Variants in NBPF9 observed in about 807,000 individuals in gnomAD.
NBPF9 encodes NBPF family member NBPF9.
A neutral mutation model predicts 97.8 loss-of-function variants in NBPF9; 91 were observed. The observed-to-expected ratio is 0.93, with a 90% confidence interval of 0.79 to 1.11. The LOEUF is 1.11. NBPF9 is among the 50% of genes least tolerant of loss of function. The probability of loss-of-function intolerance (pLI) is 0.00; values close to 1 mark genes in which losing one functional copy is unlikely to be tolerated. For synonymous variants in NBPF9, 334 were observed against 359.5 expected (o/e 0.93, Z 0.80); for missense variants, 992 against 939.5 (o/e 1.06, Z -0.73).
Position 149,101,382 on chromosome 1 carries a change from T to C in NBPF9, c.-723-3A>G, listed in dbSNP as rs2082134061. The C allele has an allele frequency of 7.0e-6, 1 of 142,922 alleles. No homozygotes were observed. The highest frequency in any genetic ancestry group is 2.6e-5 in the African/African-American group (1 of 38,172). 8.9% of individuals were successfully genotyped at this position (142,922 alleles called of 1,614,324 possible). A position where few individuals can be genotyped will look rare whatever the true frequency, so the allele number is the denominator to read the frequency against. On this transcript the variant is annotated splice_polypyrimidine_tract_variant and splice_region_variant and intron_variant, in intron 2 of 29. Transcript: ENST00000584027. ...CAGCCTGGGCAACAGAGTGAGATCT[T>C]GTCTCAAAAAGAAAAAAAAAAGTTA...
chr1:149,078,725 C>T (rs3961878), intron 9 of NBPF9, among the ~76,000 whole-genome samples: 2 of 137,998 alleles, frequency 1.4e-5, no homozygotes, highest in Admixed American at 7.3e-5. Context: ...CAAGCGCCCT[C>T]CCATCACAGC....
At chr1:149,056,089 G>C (rs1400363137) in intron 29 of NBPF9, among the ~76,000 whole-genome samples, 190 bp from the exon 30 acceptor site, 1 of 150,750 alleles carries the variant, frequency 6.6e-6, no homozygotes, top group Non-Finnish European at 1.5e-5. Context: ...CAATGAAAGA[G>C]AAAGACAGAG....
intron 4 of NBPF9, among the ~76,000 whole-genome samples, chr1:149,095,746 A>G (rs1250191627): frequency 1.3e-5 from 2 of 152,112 alleles, no homozygotes; most frequent in Admixed American, 6.5e-5. Flanking sequence ...ACATTAAAAC[A>G]ACGAGATATC....
intron 5 of NBPF9, among the ~76,000 whole-genome samples, chr1:149,083,084 A>G (rs2080663672): frequency 6.8e-6 from 1 of 148,112 alleles, no homozygotes; most frequent in South Asian, 2.1e-4. Context: ...CTGGGATTAC[A>G]GGCGTGAGCC....
intron 26 of NBPF9, 72 bp downstream of exon 26, chr1:149,058,853 C>G (rs2078414613): frequency 1.0e-5 from 7 of 700,844 alleles, no homozygotes; most frequent in Admixed American, 6.0e-5. Flanking sequence ...GTAAGGGCCA[C>G]TTGGAACAGG....
chr1:149,072,865 C>T (rs782634732), exon 14 of NBPF9: 2 of 1,605,576 alleles, frequency 1.2e-6, no homozygotes, highest in East Asian at 2.2e-5. Flanking sequence ...GCATCTCTCC[C>T]TTCCCGCAAC....
At chr1:149,072,852 G>A (rs1472413372) in exon 14 of NBPF9, 1 of 1,604,422 alleles carries the variant, frequency 6.2e-7, no homozygotes, top group Non-Finnish European at 8.5e-7. Flanking sequence ...CAATGAGCGG[G>A]AGGCATCTCT....
chr1:149,081,626 G>C (rs1168846744), intron 7 of NBPF9, among the ~76,000 whole-genome samples: 2 of 151,112 alleles, frequency 1.3e-5, no homozygotes, highest in African/African-American at 4.9e-5. Flanking sequence ...CAACAGACTA[G>C]ATGTTATTTG....
exon 26 of NBPF9, chr1:149,058,945 C>A: frequency 4.3e-6 from 2 of 466,908 alleles, no homozygotes; most frequent in East Asian, 2.9e-5. Flanking sequence ...AAGAGCCAAG[C>A]CAAGGTACTG....
intron 23 of NBPF9, 114 bp downstream of exon 23, chr1:149,061,218 A>G (rs2078575984): frequency 3.2e-6 from 1 of 311,314 alleles, no homozygotes; most frequent in Non-Finnish European, 5.9e-6. Flanking sequence ...TAGTAGGAAT[A>G]ATTCAGGCTT....
At chr1:149,087,663 T>C (rs2081120526) in intron 5 of NBPF9, among the ~76,000 whole-genome samples, 1 of 150,850 alleles carries the variant, frequency 6.6e-6, no homozygotes, top group South Asian at 2.1e-4. Flanking sequence ...TAGAATTGCA[T>C]TGGATCTGGA....
At chr1:149,082,952 C>CTTTTTTT (rs1175496893) in intron 5 of NBPF9, among the ~76,000 whole-genome samples, 2 of 60,986 alleles carry the variant, frequency 3.3e-5, no homozygotes, top group Non-Finnish European at 6.5e-5. Flanking sequence ...GCTAATTTTT[C>CTTTTTTT]TTTTCTTTTT....
At position 149,058,592 on chromosome 1, in the gene NBPF9, A is replaced by G. The variant is rs1455306003; in HGVS notation, c.2758+333T>C. 1.2e-5 allele frequency: 3 copies of G among 258,630 alleles called. No homozygotes were observed. In the East Asian group the frequency reaches 2.8e-4, roughly 24 times the overall value. The allele number at this position is 258,630 out of a possible 1,614,324, so 16.0% of individuals were successfully genotyped here. ...GTTCATGGATGCAAGAATTTTAGAC[A>G]CTGAAATTAGAATGAAGGAGGAAAT... On this transcript the variant is annotated intron_variant, in intron 26 of 29. Coordinates refer to ENST00000584027, the Ensembl canonical transcript of NBPF9.
At chr1:149,082,331 A>C (rs1553657053) in exon 6 of NBPF9, 1 of 1,544,546 alleles carries the variant, frequency 6.5e-7, no homozygotes, top group Non-Finnish European at 8.7e-7. Flanking sequence ...CACCACAAAA[A>C]CAAGGTTTGA....
chr1:149,071,401 T>C (rs1405073874), intron 15 of NBPF9, among the ~76,000 whole-genome samples: 91,472 of 144,588 alleles, frequency 0.63, 30,367 homozygotes, highest in African/African-American at 0.83. Flanking sequence ...TCAGCTATCC[T>C]TGTACGGTGC....
chr1:149,072,892 T>A, exon 14 of NBPF9: 1 of 1,607,024 alleles, frequency 6.2e-7, no homozygotes. Context: ...CTTAACTGGG[T>A]CAGCTCTCGT....
Position 149,062,893 on chromosome 1 carries a change from C to T in NBPF9, c.2047G>A (p.Val683Met), listed in dbSNP as rs1385340592. ...CATGATGGGTCTTGGTCTTCTTCCACTTCTTGGTACTTTTCAATTTCTGCA... is the reference window on the plus strand; with the variant it reads ...CATGATGGGTCTTGGTCTTCTTCCATTTCTTGGTACTTTTCAATTTCTGCA... Residue 683 changes from valine to methionine, a missense_variant, in exon 21 of 30, where the codon GTG becomes ATG. By Grantham distance (21) the Val-to-Met change is conservative. This residue lies in a region of NBPF9 where 397 missense variants were observed against 213.6 expected (regional missense o/e 1.86). Transcript: ENST00000584027. 7 of 791,116 alleles carry T rather than the reference C, an allele frequency of 8.8e-6. No individual in the cohort carries two copies. In the East Asian group the frequency reaches 9.8e-5, roughly 11 times the overall value. 49.0% of individuals were successfully genotyped at this position (791,116 alleles called of 1,614,324 possible). A position where few individuals can be genotyped will look rare whatever the true frequency, so the allele number is the denominator to read the frequency against.
At chr1:149,103,280 G>T in intron 1 of NBPF9, 21 bp downstream of exon 1, 1 of 146,782 alleles carries the variant, frequency 6.8e-6, no homozygotes. Context: ...CCGCCCGCCC[G>T]GCCTGGCGCG....
intron 5 of NBPF9, among the ~76,000 whole-genome samples, chr1:149,087,106 G>C (rs1476978818): frequency 1.3e-5 from 2 of 151,794 alleles, no homozygotes; most frequent in Admixed American, 1.3e-4. Context: ...TGCACTGATT[G>C]ATCTCCCTGA....
Sources: gnomAD v4.1 joint callset for allele counts (sites outside exome capture counted in the v4.1 genomes callset) on GRCh38, gnomAD v4.1.1 for gene constraint, gnomAD v4.1.1 regional missense constraint, MANE v1.5 for transcripts, NCBI Gene and HGNC (gene_info 2026-07-23, HGNC 2026-07-21) for gene names.